Variants in MCU observed in about 807,000 individuals in gnomAD.
MCU encodes mitochondrial calcium uniporter.
A neutral mutation model predicts 45.2 loss-of-function variants in MCU; 12 were observed. That is an observed-to-expected ratio of 0.27 (90% CI 0.17 to 0.43). The LOEUF (loss-of-function observed/expected upper bound fraction) is 0.43. Among genes scored for constraint, MCU ranks in the 20% least tolerant of loss-of-function variants. The pLI, the probability that MCU is intolerant of heterozygous loss-of-function variation, is 1.00. For missense variants in MCU, 324 were observed against 436.7 expected (o/e 0.74, Z 2.30); for synonymous variants, 160 against 165.1 (o/e 0.97, Z 0.24).
chr10:72,712,991 A>G (rs1023225664), intron 1 of MCU, among the ~76,000 whole-genome samples: 1 of 152,194 alleles, frequency 6.6e-6, no homozygotes, highest in East Asian at 1.9e-4. Flanking sequence ...GACTGTCGCT[A>G]CGGCAAGCAA....
intron 1 of MCU, among the ~76,000 whole-genome samples, chr10:72,722,316 CAAAAAAAAA>C (rs35164146): frequency 3.5e-4 from 7 of 20,158 alleles, no homozygotes; most frequent in Non-Finnish European, 7.9e-4. Context: ...AACTCCATCT[CAAAAAAAAA>C]AAAAAAAAAA....
intron 7 of MCU, 99 bp downstream of exon 7, chr10:72,884,481 T>C (rs1845750058): frequency 2.8e-6 from 2 of 710,402 alleles, no homozygotes; most frequent in Admixed American, 4.3e-5. Flanking sequence ...ACTGAAGGAA[T>C]GTTCCAACCC....
chr10:72,838,537 A>G (rs1419711509), intron 2 of MCU, among the ~76,000 whole-genome samples: 1 of 152,026 alleles, frequency 6.6e-6, no homozygotes, highest in Non-Finnish European at 1.5e-5. Context: ...CTTGAGCCCA[A>G]GGAGGTCAAG....
intron 1 of MCU, among the ~76,000 whole-genome samples, chr10:72,806,456 G>A (rs1289401901): frequency 2.0e-5 from 3 of 152,104 alleles, no homozygotes; most frequent in South Asian, 4.1e-4. Context: ...CACCGCGCCC[G>A]GCATGAAGAG....
intron 1 of MCU, among the ~76,000 whole-genome samples, chr10:72,697,426 ATTTTTTT>A (rs1001610262): frequency 4.7e-4 from 30 of 64,132 alleles, no homozygotes; most frequent in Non-Finnish European, 5.9e-4. Context: ...CCAGACTTCT[ATTTTTTT>A]TTTTTTTTTT....
At chr10:72,853,258 G>C (rs1589496933) in intron 2 of MCU, among the ~76,000 whole-genome samples, 2 of 152,136 alleles carry the variant, frequency 1.3e-5, no homozygotes, top group South Asian at 4.1e-4. Flanking sequence ...TGATCCTTAT[G>C]CTCATAGAGA....
chr10:72,701,108 A>G (rs73284879), intron 1 of MCU, among the ~76,000 whole-genome samples: 8,804 of 152,278 alleles, frequency 0.058, 871 homozygotes, highest in African/African-American at 0.2. Context: ...CTGTATTAAT[A>G]TCTGCTTTAA....
intron 1 of MCU, among the ~76,000 whole-genome samples, chr10:72,777,818 A>G (rs1406116359): frequency 6.6e-6 from 1 of 152,234 alleles, no homozygotes; most frequent in African/African-American, 2.4e-5. Context: ...CAGAATATAT[A>G]AGAGCTCAAA....
At chr10:72,831,977 C>G (rs940019958) in intron 1 of MCU, among the ~76,000 whole-genome samples, 2 of 152,132 alleles carry the variant, frequency 1.3e-5, no homozygotes, top group African/African-American at 4.8e-5. Context: ...GACTTTTACT[C>G]TGAAGTAACT....
At chr10:72,723,670 T>C (rs927489560) in intron 1 of MCU, among the ~76,000 whole-genome samples, 6 of 152,236 alleles carry the variant, frequency 3.9e-5, no homozygotes, top group Non-Finnish European at 7.3e-5. Context: ...AAACTTGTCA[T>C]ACACATTTAA....
intron 1 of MCU, among the ~76,000 whole-genome samples, chr10:72,701,527 T>G (rs1450003111): frequency 2.0e-5 from 3 of 152,130 alleles, no homozygotes; most frequent in Admixed American, 2.0e-4. Context: ...TCCTACTGAC[T>G]ACATTTCTTG....
intron 1 of MCU, among the ~76,000 whole-genome samples, chr10:72,767,510 C>G (rs1165952608): frequency 6.6e-6 from 1 of 151,682 alleles, no homozygotes; most frequent in Admixed American, 6.6e-5. Flanking sequence ...TTTAATTTAA[C>G]TGTGTTTTAA....
chr10:72,865,161 T>TA (rs1255323736), intron 4 of MCU, among the ~76,000 whole-genome samples: 3 of 152,168 alleles, frequency 2.0e-5, no homozygotes, highest in African/African-American at 7.2e-5. Context: ...TCAAATTGAA[T>TA]AAGAAAAGGC....
chr10:72,708,476 G>A (rs1317610824), intron 1 of MCU: 1 of 152,208 alleles, frequency 6.6e-6, no homozygotes, highest in East Asian at 1.9e-4. Context: ...TCCTAGGTGT[G>A]AAAACCTTAA....
In MCU at chr10:72,859,237, G is replaced by A. The variant is rs1488163662; in HGVS notation, c.281G>A (p.Arg94His). The change falls in exon 3 of 8, where the codon CGT becomes CAT. Residue 94 changes from arginine to histidine, a missense_variant. Physicochemically the swap from Arg to His is conservative, Grantham distance 29. This residue lies in a region of MCU where 135 missense variants were observed against 207.3 expected (regional missense o/e 0.65). Coordinates refer to ENST00000373053, the MANE Select transcript of MCU (RefSeq NM_138357.3). ...ATATCTGTGAGGCTACCATCCCGGC[G>A]TGAACGCTGTCAGTTCACACTCAAG... ...PVISVRLPSR[R>H]ERCQFTLKPI... 5 of 1,612,960 alleles carry A rather than the reference G, an allele frequency of 3.1e-6. No homozygotes were observed. The highest frequency in any genetic ancestry group is 1.7e-5 in the Admixed American group (1 of 59,684).
At chr10:72,801,182 A>G (rs746496994) in intron 1 of MCU, among the ~76,000 whole-genome samples, 14 of 152,264 alleles carry the variant, frequency 9.2e-5, no homozygotes, top group Non-Finnish European at 2.1e-4. Context: ...TAGAGGCCAT[A>G]TTCATAGTAC....
chr10:72,885,329 G>A (rs538576495), intron 7 of MCU, among the ~76,000 whole-genome samples: 2 of 152,312 alleles, frequency 1.3e-5, no homozygotes, highest in South Asian at 2.1e-4. Flanking sequence ...AAATTCACTG[G>A]CTAAGTAAAA....
At chr10:72,879,934 A>G (rs535277004) in intron 6 of MCU, among the ~76,000 whole-genome samples, 10 of 152,160 alleles carry the variant, frequency 6.6e-5, no homozygotes, top group Non-Finnish European at 1.3e-4. Context: ...TGTAATTCCA[A>G]CTACTGGGGA....
At chr10:72,849,016 C>T (rs1845164929) in intron 2 of MCU, among the ~76,000 whole-genome samples, 1 of 152,048 alleles carries the variant, frequency 6.6e-6, no homozygotes, top group African/African-American at 2.4e-5. Context: ...GTTGGTGGCT[C>T]ACACCTGTAA....
Sources: allele counts gnomAD v4.1 joint callset (sites outside exome capture counted in the v4.1 genomes callset), GRCh38; gene constraint gnomAD v4.1.1; regional missense constraint gnomAD v4.1.1; transcripts MANE v1.5; gene names NCBI Gene and HGNC (gene_info 2026-07-23, HGNC 2026-07-21).